Variants in BFSP2 observed in about 807,000 individuals in gnomAD.
BFSP2 encodes phakinin.
A neutral mutation model predicts 44.9 loss-of-function variants in BFSP2; 38 were observed. The ratio of observed to expected loss-of-function variants is 0.85; its 90% CI spans 0.65 to 1.11. The LOEUF (loss-of-function observed/expected upper bound fraction) is 1.11. BFSP2 is among the 50% of genes least tolerant of loss of function. The probability of loss-of-function intolerance (pLI) is 0.00; values close to 1 mark genes in which losing one functional copy is unlikely to be tolerated. For missense variants in BFSP2, 525 were observed against 533.0 expected, an observed-to-expected ratio of 0.99 and a Z score of 0.15; for synonymous variants, 197 against 209.9, an observed-to-expected ratio of 0.94 and a Z score of 0.53.
At chr3:133,427,899 T>G (rs2073668547) in intron 1 of BFSP2, among the ~76,000 whole-genome samples, 1 of 152,032 alleles carries the variant, frequency 6.6e-6, no homozygotes, top group Non-Finnish European at 1.5e-5. Context: ...GTTCTGAGGG[T>G]TTTGCACATC....
chr3:133,467,323 A>AGGGG (rs1462603371), intron 5 of BFSP2, among the ~76,000 whole-genome samples: 11 of 152,212 alleles, frequency 7.2e-5, no homozygotes, highest in Non-Finnish European at 1.6e-4. Flanking sequence ...AGTGACTAAG[A>AGGGG]GGGGGCTTTA....
At chr3:133,403,058 G>A (rs986523913) in intron 1 of BFSP2, among the ~76,000 whole-genome samples, 7 of 152,116 alleles carry the variant, frequency 4.6e-5, no homozygotes, top group African/African-American at 1.7e-4. Flanking sequence ...TTTTTTCAGT[G>A]AATCTGGCCT....
intron 1 of BFSP2, among the ~76,000 whole-genome samples, chr3:133,444,252 A>G (rs2073874679): frequency 6.6e-6 from 1 of 152,184 alleles, no homozygotes; most frequent in Non-Finnish European, 1.5e-5. Flanking sequence ...TGCTTTGTAC[A>G]AAGACAAATA....
chr3:133,461,850 G>T (rs933997476), intron 4 of BFSP2, among the ~76,000 whole-genome samples: 1 of 152,182 alleles, frequency 6.6e-6, no homozygotes, highest in Admixed American at 6.5e-5. Flanking sequence ...GTGCTGGGAG[G>T]TCTTTAACAC....
intron 1 of BFSP2, among the ~76,000 whole-genome samples, chr3:133,439,090 C>A (rs995443658): frequency 6.6e-6 from 1 of 152,164 alleles, no homozygotes; most frequent in Non-Finnish European, 1.5e-5. Context: ...TTAGTGTGAC[C>A]ACTTACTTCA....
intron 4 of BFSP2, among the ~76,000 whole-genome samples, chr3:133,459,011 C>T (rs56896110): frequency 0.16 from 24,224 of 152,020 alleles, 2,158 homozygotes; most frequent in East Asian, 0.26. Flanking sequence ...TCAAAGCATA[C>T]CTTAGATATT....
intron 1 of BFSP2, among the ~76,000 whole-genome samples, chr3:133,406,896 G>A (rs571560254): frequency 2.0e-4 from 30 of 152,252 alleles, no homozygotes; most frequent in African/African-American, 5.5e-4. Flanking sequence ...GAAGTAGCAC[G>A]TTATAAAATA....
chr3:133,408,532 AC>A, intron 1 of BFSP2, among the ~76,000 whole-genome samples: 1 of 152,372 alleles, frequency 6.6e-6, no homozygotes, highest in Non-Finnish European at 1.5e-5. Flanking sequence ...TCCCAATGAC[AC>A]ACTGGCAAAA....
chr3:133,458,426 G>T (rs1416992820), intron 4 of BFSP2, among the ~76,000 whole-genome samples: 2 of 152,216 alleles, frequency 1.3e-5, no homozygotes, highest in Non-Finnish European at 2.9e-5. Flanking sequence ...GGGTGTGGTG[G>T]CTCACTCCTG....
At chr3:133,444,761 A>G (rs1362324574) in intron 1 of BFSP2, among the ~76,000 whole-genome samples, 2 of 151,788 alleles carry the variant, frequency 1.3e-5, no homozygotes, top group Non-Finnish European at 2.9e-5. Context: ...TTTTCCACCT[A>G]CCCTATGATC....
intron 4 of BFSP2, among the ~76,000 whole-genome samples, chr3:133,458,870 T>G (rs1368281185): frequency 6.6e-6 from 1 of 152,138 alleles, no homozygotes; most frequent in African/African-American, 2.4e-5. Flanking sequence ...CCAAGGAATC[T>G]CCACTCACTT....
At position 133,447,324 on chromosome 3, in the gene BFSP2, A is replaced by C. The variant is rs2073912333; in HGVS notation, c.497A>C (p.Glu166Ala). 6.2e-7 allele frequency: 1 copy of C among 1,613,822 alleles called. No individual in the cohort carries two copies. The highest frequency in any genetic ancestry group is 1.3e-5 in the African/African-American group (1 of 74,878). ...SWASSCQQVG[E>A]AVLENARLML... ...TGTGTGTGATCGCTCTAGGTGGGTGAGGCAGTCTTGGAAAATGCCCGGCTC... is the reference window on the plus strand; with the variant it reads ...TGTGTGTGATCGCTCTAGGTGGGTGCGGCAGTCTTGGAAAATGCCCGGCTC... The change falls in exon 2 of 7, where the codon GAG becomes GCG. Residue 166 changes from glutamate to alanine, a missense_variant. Transcript: ENST00000302334.
chr3:133,472,517 A>G lies in BFSP2; in HGVS notation c.1196A>G (p.Gln399Arg). ...AHLLARKCQL[Q>R]KDVASYHALL... Reference sequence around the variant, plus strand: ...CTGCTGGCCCGCAAGTGCCAGCTGCAGAAGGACGTGGCGTCCTACCACGCC... The same window carrying G: ...CTGCTGGCCCGCAAGTGCCAGCTGCGGAAGGACGTGGCGTCCTACCACGCC... The change falls in exon 6 of 7, where the codon CAG becomes CGG. Residue 399 changes from glutamine (Q) to arginine (R), a missense_variant. Transcript: ENST00000302334. 3 of 1,613,050 alleles carry G rather than the reference A, an allele frequency of 1.9e-6. No individual in the cohort carries two copies. Among genetic ancestry groups the G allele is most frequent in the Non-Finnish European group, 2.5e-6 (3 of 1,180,008 alleles).
intron 1 of BFSP2, among the ~76,000 whole-genome samples, chr3:133,429,082 G>T (rs982956671): frequency 6.6e-6 from 1 of 151,838 alleles, no homozygotes. Context: ...AACTCCCCTT[G>T]TACTCTGTCC....
intron 6 of BFSP2, among the ~76,000 whole-genome samples, chr3:133,474,223 C>A (rs1410152938): frequency 6.6e-6 from 1 of 152,188 alleles, no homozygotes; most frequent in Non-Finnish European, 1.5e-5. Flanking sequence ...CTCCAAGACT[C>A]CTTGTCTGAC....
At chr3:133,412,612 C>T (rs2073466829) in intron 1 of BFSP2, 1 of 152,266 alleles carries the variant, frequency 6.6e-6, no homozygotes, top group African/African-American at 2.4e-5. Flanking sequence ...GGGAGCCGGG[C>T]ATGGCGTCCT....
intron 5 of BFSP2, among the ~76,000 whole-genome samples, chr3:133,469,001 G>T (rs2074137279): frequency 6.6e-6 from 1 of 152,178 alleles, no homozygotes; most frequent in Non-Finnish European, 1.5e-5. Context: ...ATATAAAATT[G>T]CTATAATAGC....
At chr3:133,469,350 A>G (rs959979725) in intron 5 of BFSP2, among the ~76,000 whole-genome samples, 1 of 152,254 alleles carries the variant, frequency 6.6e-6, no homozygotes, top group African/African-American at 2.4e-5. Flanking sequence ...TGCACACACA[A>G]GGCCCCCGCA....
chr3:133,429,792 A>AT (rs1460607134), intron 1 of BFSP2: 1 of 151,960 alleles, frequency 6.6e-6, no homozygotes, highest in Non-Finnish European at 1.5e-5. Context: ...TTTAGGGTAC[A>AT]TGTGCACAAT....
Sources: gnomAD v4.1 joint callset for allele counts (sites outside exome capture counted in the v4.1 genomes callset) on GRCh38, gnomAD v4.1.1 for gene constraint, MANE v1.5 for transcripts, NCBI Gene and HGNC (gene_info 2026-07-23, HGNC 2026-07-21) for gene names.